Variants in EDAR observed in about 807,000 individuals in gnomAD.
EDAR encodes the protein ectodysplasin A receptor.
In EDAR, 38 loss-of-function variants were observed where a neutral mutation model predicts 51.3. The observed-to-expected ratio is 0.74, with a 90% CI of 0.57 to 0.97. EDAR has a LOEUF of 0.97. Among genes scored for constraint, EDAR ranks in the 50% least tolerant of loss-of-function variants. The pLI is 0.00. For missense variants in EDAR, 528 were observed against 595.0 expected, an observed-to-expected ratio of 0.89 and a Z score of 1.17; for synonymous variants, 227 against 242.1, an observed-to-expected ratio of 0.94 and a Z score of 0.58.
chr2:108,969,528 A>G (rs551129664), intron 1 of EDAR, among the ~76,000 whole-genome samples: 1 of 152,284 alleles, frequency 6.6e-6, no homozygotes, highest in East Asian at 1.9e-4. Context: ...CATGAAGCAG[A>G]CCTTTATATG....
intron 1 of EDAR, among the ~76,000 whole-genome samples, chr2:108,937,138 AG>A (rs1449107289): frequency 2.0e-5 from 3 of 152,246 alleles, no homozygotes; most frequent in African/African-American, 7.2e-5. Context: ...CTGGCAACAG[AG>A]CACACTGGCG....
chr2:108,930,255 G>A lies in EDAR; in HGVS notation c.52-13C>T. On this transcript the variant is annotated splice_polypyrimidine_tract_variant and intron_variant, in intron 2 of 11. Transcript: ENST00000258443. ...ACATCAGAGACACCTGCCAACAAAGGGGGGTGTTGTGGCCTCCGTACCTCC... is the reference window on the plus strand; with the variant it reads ...ACATCAGAGACACCTGCCAACAAAGAGGGGTGTTGTGGCCTCCGTACCTCC... 6.2e-7 allele frequency: 1 copy of A among 1,614,092 alleles called. No individual in the cohort carries two copies. The highest frequency in any genetic ancestry group is 8.5e-7 in the Non-Finnish European group (1 of 1,180,016).
intron 1 of EDAR, among the ~76,000 whole-genome samples, chr2:108,950,048 C>T (rs1208083995): frequency 1.3e-5 from 2 of 152,292 alleles, no homozygotes; most frequent in South Asian, 4.2e-4. Context: ...GCGGCCTGGG[C>T]ATGGTGCCAT....
At chr2:108,946,763 GA>G (rs780155755) in intron 1 of EDAR, among the ~76,000 whole-genome samples, 5 of 152,154 alleles carry the variant, frequency 3.3e-5, no homozygotes, top group Non-Finnish European at 7.3e-5. Flanking sequence ...CATCATGGGG[GA>G]AAGCGCCCCA....
At chr2:108,960,574 G>A (rs561079694) in intron 1 of EDAR, among the ~76,000 whole-genome samples, 49 of 152,284 alleles carry the variant, frequency 3.2e-4, no homozygotes, top group Non-Finnish European at 6.3e-4. Context: ...CTTCCACCAC[G>A]CTGGCTCTGT....
chr2:108,982,004 C>T (rs12467455), intron 1 of EDAR, among the ~76,000 whole-genome samples: 67,742 of 152,180 alleles, frequency 0.45, 17,691 homozygotes, highest in South Asian at 0.6. Flanking sequence ...GGATGCTTCC[C>T]GTCCTCAAAG....
At chr2:108,941,256 C>T (rs759948587) in intron 1 of EDAR, among the ~76,000 whole-genome samples, 6 of 152,214 alleles carry the variant, frequency 3.9e-5, no homozygotes, top group Non-Finnish European at 8.8e-5. Flanking sequence ...TTTGCTAAGA[C>T]TACATTTGCA....
chr2:108,936,401 T>C (rs931144087), intron 1 of EDAR, among the ~76,000 whole-genome samples: 47 of 152,274 alleles, frequency 3.1e-4, no homozygotes, highest in African/African-American at 1.1e-3. Context: ...CTCAGCTCCA[T>C]GGGCACAAGC....
chr2:108,914,219 C>T (rs1696986207), intron 5 of EDAR, among the ~76,000 whole-genome samples: 1 of 151,898 alleles, frequency 6.6e-6, no homozygotes, highest in Admixed American at 6.5e-5. Context: ...GAGATCACAC[C>T]ACTGCACTCT....
intron 1 of EDAR, among the ~76,000 whole-genome samples, chr2:108,964,744 C>T (rs1195689287): frequency 1.3e-5 from 2 of 152,206 alleles, no homozygotes; most frequent in East Asian, 3.8e-4. Flanking sequence ...ACTCAGTGCT[C>T]ACTAAGTGAC....
In EDAR at chr2:108,910,854, G is replaced by A. The variant is rs760041106; in HGVS notation, c.656-4C>T. On this transcript the variant is annotated splice_polypyrimidine_tract_variant and splice_region_variant and intron_variant, in intron 7 of 11. Coordinates refer to ENST00000258443, the MANE Select transcript of EDAR (RefSeq NM_022336.4). ...CCCGGGTGGCTGGTGCAACAGGCTGGGGAGAGAGGAGGGAGTGAGCAGCCA... is the reference window on the plus strand; with the variant it reads ...CCCGGGTGGCTGGTGCAACAGGCTGAGGAGAGAGGAGGGAGTGAGCAGCCA... The A allele has an allele frequency of 2.5e-6, 4 of 1,614,016 alleles. No homozygotes were observed. The highest frequency in any genetic ancestry group is 2.7e-5 in the African/African-American group (2 of 74,928).
At chr2:108,910,751 T>A in intron 8 of EDAR, 25 bp downstream of exon 8, 1 of 1,611,430 alleles carries the variant, frequency 6.2e-7, no homozygotes, top group East Asian at 2.2e-5. Flanking sequence ...GTGCACATGG[T>A]GTGTGGAAGC....
chr2:108,907,004 T>G (rs900485749), intron 10 of EDAR, among the ~76,000 whole-genome samples: 1 of 152,228 alleles, frequency 6.6e-6, no homozygotes, highest in African/African-American at 2.4e-5. Context: ...GGCTGGGGCC[T>G]GCAGCCAGGG....
Position 108,977,418 on chromosome 2 carries a change from G to A in EDAR, c.-19+11542C>T, listed in dbSNP as rs188515840. Among the ~76,000 whole-genome samples the A allele has an allele frequency of 4.3e-3, 653 of 152,240 alleles. 17 individuals are homozygous for A. The highest frequency in any genetic ancestry group is 0.03 in the Admixed American group (455 of 15,304). On this transcript the variant is annotated intron_variant, in intron 1 of 11. Coordinates refer to ENST00000258443, the MANE Select transcript of EDAR (RefSeq NM_022336.4). Reference sequence around the variant, plus strand: ...CAAGTAGCTGGGACTACAGGCACCCGCCACCATGCCTGGCTAATTTTTTTT... The same window carrying A: ...CAAGTAGCTGGGACTACAGGCACCCACCACCATGCCTGGCTAATTTTTTTT...
intron 1 of EDAR, among the ~76,000 whole-genome samples, chr2:108,974,044 T>G (rs1698279278): frequency 6.6e-6 from 1 of 152,092 alleles, no homozygotes; most frequent in Non-Finnish European, 1.5e-5. Flanking sequence ...AAATGCCACA[T>G]ATTGGTCAGG....
In EDAR at chr2:108,930,392, C is replaced by G. The variant is rs978943294; in HGVS notation, c.52-150G>C. The stretch of plus-strand genomic sequence containing the variant: ...CTGGGAAGGTGCCCGCTTGTGAGTG[C>G]TCACTGCTGCTAAGTCTCCAGTGGC... On this transcript the variant is annotated intron_variant, in intron 2 of 11. Transcript: ENST00000258443. The G allele has an allele frequency of 7.5e-6, 6 of 794,844 alleles. No homozygotes were observed. The African/African-American group carries it at 1.0e-4, about 13-fold the overall frequency. The allele number at this position is 794,844 out of a possible 1,614,324, so 49.2% of individuals were successfully genotyped here. A position where few individuals can be genotyped will look rare whatever the true frequency, so the allele number is the denominator to read the frequency against.
chr2:108,982,480 A>C (rs1698436267), intron 1 of EDAR, among the ~76,000 whole-genome samples: 1 of 152,248 alleles, frequency 6.6e-6, no homozygotes, highest in Non-Finnish European at 1.5e-5. Context: ...TTATTCTGTA[A>C]ACATAAGGAG....
At chr2:108,901,458 T>A (rs958159151) in intron 11 of EDAR, among the ~76,000 whole-genome samples, 1 of 151,442 alleles carries the variant, frequency 6.6e-6, no homozygotes, top group Middle Eastern at 3.4e-3. Flanking sequence ...TAGAAGGAAA[T>A]AAGTAATTTA....
rs144175032 is a variant in EDAR, at chr2:108,931,274, C to T, written c.-18-242G>A. Among the ~76,000 whole-genome samples the T allele has an allele frequency of 1.3e-3, 199 of 152,332 alleles. 1 individual carries two copies. Among genetic ancestry groups the T allele is most frequent in the African/African-American group, 4.2e-3 (175 of 41,580 alleles). On this transcript the variant is annotated intron_variant, in intron 1 of 11. Transcript: ENST00000258443. The stretch of plus-strand genomic sequence containing the variant: ...AGCCTGAGAGGAGGCTAGGAGCACA[C>T]GGAGGGCCCAAGGTTAAACCCGAGG...
Sources: gnomAD v4.1 joint callset for allele counts (sites outside exome capture counted in the v4.1 genomes callset) on GRCh38, gnomAD v4.1.1 for gene constraint, MANE v1.5 for transcripts, NCBI Gene and HGNC (gene_info 2026-07-23, HGNC 2026-07-21) for gene names.